The following AGBL1 variants were observed in gnomAD, a reference collection of about 807,000 sequenced individuals.
AGBL1 encodes the protein AGBL carboxypeptidase 1.
A neutral mutation model predicts 118.9 loss-of-function variants in AGBL1; 130 were observed. That is an observed-to-expected ratio of 1.09 (90% CI 0.95 to 1.26). The LOEUF is 1.26. Among genes scored for constraint, AGBL1 ranks in the 50% most tolerant of loss-of-function variants. The probability of loss-of-function intolerance (pLI) is 0.00; values close to 1 mark genes in which losing one functional copy is unlikely to be tolerated. For synonymous variants in AGBL1, 555 were observed against 478.9 expected, an observed-to-expected ratio of 1.16 and a Z score of -2.08; for missense variants, 1,584 against 1,298.1, an observed-to-expected ratio of 1.22 and a Z score of -3.38.
intron 17 of AGBL1, among the ~76,000 whole-genome samples, chr15:86,337,044 TTA>T (rs2080381721): frequency 4.6e-5 from 7 of 152,218 alleles, no homozygotes; most frequent in African/African-American, 1.7e-4. Context: ...GGGACAAGAA[TTA>T]GCATCACTCT....
At chr15:86,623,731 A>G (rs2084845789) in intron 21 of AGBL1, among the ~76,000 whole-genome samples, 1 of 152,224 alleles carries the variant, frequency 6.6e-6, no homozygotes, top group Admixed American at 6.5e-5. Context: ...TAATTTTGCA[A>G]TAATTCGAAA....
At chr15:86,342,090 C>A (rs745624800) in intron 17 of AGBL1, among the ~76,000 whole-genome samples, 1 of 152,090 alleles carries the variant, frequency 6.6e-6, no homozygotes, top group East Asian at 1.9e-4. Context: ...TGAAGATGAA[C>A]GCTTTCTCAA....
intron 22 of AGBL1, among the ~76,000 whole-genome samples, chr15:86,679,480 AT>A (rs954937988): frequency 5.9e-5 from 9 of 151,886 alleles, no homozygotes; most frequent in African/African-American, 2.2e-4. Flanking sequence ...ATTTCCAGGG[AT>A]TTTTCTGTTT....
At chr15:86,920,968 A>G (rs1431442623), downstream of AGBL1, among the ~76,000 whole-genome samples, 1 of 152,124 alleles carries the variant, frequency 6.6e-6, no homozygotes, top group Non-Finnish European at 1.5e-5. Context: ...CAATTGGAGA[A>G]AGGAGGGCAT....
intron 22 of AGBL1, among the ~76,000 whole-genome samples, chr15:86,867,870 A>G (rs989096668): frequency 6.6e-6 from 1 of 152,194 alleles, no homozygotes; most frequent in African/African-American, 2.4e-5. Flanking sequence ...TTCTAAGTTT[A>G]TCCATGGCCG....
At chr15:86,853,595 C>G (rs1335900244) in intron 22 of AGBL1, among the ~76,000 whole-genome samples, 1 of 152,208 alleles carries the variant, frequency 6.6e-6, no homozygotes, top group Non-Finnish European at 1.5e-5. Context: ...GCTCTACTTA[C>G]TACACTTGGC....
At chr15:86,490,580 A>G (rs2082765786) in intron 18 of AGBL1, among the ~76,000 whole-genome samples, 1 of 152,100 alleles carries the variant, frequency 6.6e-6, no homozygotes, top group African/African-American at 2.4e-5. Flanking sequence ...CTGCATGACA[A>G]TACCAATGTT....
chr15:86,737,146 G>T (rs888411443), intron 22 of AGBL1, among the ~76,000 whole-genome samples: 4 of 152,162 alleles, frequency 2.6e-5, no homozygotes, highest in African/African-American at 4.8e-5. Flanking sequence ...ATTGAAGCAA[G>T]GTGCTGAATG....
At chr15:86,773,294 G>C (rs2078207764) in intron 22 of AGBL1, among the ~76,000 whole-genome samples, 1 of 152,012 alleles carries the variant, frequency 6.6e-6, no homozygotes, top group African/African-American at 2.4e-5. Flanking sequence ...AGGCACTCCT[G>C]AGTGGAAGAG....
intron 22 of AGBL1, among the ~76,000 whole-genome samples, chr15:86,840,098 T>C (rs2079224291): frequency 1.3e-5 from 2 of 152,216 alleles, no homozygotes; most frequent in Non-Finnish European, 2.9e-5. Flanking sequence ...ACAGTATCTG[T>C]CAATACCCAT....
intron 18 of AGBL1, among the ~76,000 whole-genome samples, chr15:86,438,401 C>A (rs1192867384): frequency 6.6e-6 from 1 of 152,158 alleles, no homozygotes; most frequent in Non-Finnish European, 1.5e-5. Context: ...CAGGAATATA[C>A]TTTATCTCTC....
At chr15:86,970,771 C>G (rs747741302) in intron 23 of AGBL1, among the ~76,000 whole-genome samples, 8 of 151,972 alleles carry the variant, frequency 5.3e-5, no homozygotes, top group Non-Finnish European at 1.0e-4. Flanking sequence ...CTGAAACTTT[C>G]CCCTAGATAT....
chr15:86,935,920 T>C (rs1333278825), intron 23 of AGBL1, among the ~76,000 whole-genome samples: 1 of 152,202 alleles, frequency 6.6e-6, no homozygotes, highest in East Asian at 1.9e-4. Flanking sequence ...AGTTTACAAA[T>C]AAAAACAAAA....
At chr15:86,884,954 G>A (rs2079949460) in intron 22 of AGBL1, among the ~76,000 whole-genome samples, 1 of 152,092 alleles carries the variant, frequency 6.6e-6, no homozygotes, top group Non-Finnish European at 1.5e-5. Context: ...TGGTTGCTGT[G>A]TTGTTCAGTA....
At chr15:86,846,120 C>T (rs908684844) in intron 22 of AGBL1, among the ~76,000 whole-genome samples, 1 of 152,074 alleles carries the variant, frequency 6.6e-6, no homozygotes, top group South Asian at 2.1e-4. Context: ...CTTTTTGTCT[C>T]TTCATGTGGA....
At chr15:86,919,082 G>A (rs1163367805), downstream of AGBL1, among the ~76,000 whole-genome samples, 1 of 152,126 alleles carries the variant, frequency 6.6e-6, no homozygotes, top group Non-Finnish European at 1.5e-5. Flanking sequence ...GATCTATAAT[G>A]CACCACATCA....
At chr15:86,558,951 G>A (rs74489600) in intron 21 of AGBL1, among the ~76,000 whole-genome samples, 1 of 152,308 alleles carries the variant, frequency 6.6e-6, no homozygotes, top group African/African-American at 2.4e-5. Flanking sequence ...GAAGATAAAA[G>A]CCTGAAATCA....
At chr15:86,587,520 T>C (rs766902626) in intron 21 of AGBL1, among the ~76,000 whole-genome samples, 18 of 151,940 alleles carry the variant, frequency 1.2e-4, no homozygotes, top group Non-Finnish European at 2.1e-4. Flanking sequence ...TCTAATTCTA[T>C]AGGAAGCAAG....
intron 5 of AGBL1, among the ~76,000 whole-genome samples, chr15:86,163,664 G>T (rs1055063431): frequency 6.6e-6 from 1 of 151,950 alleles, no homozygotes; most frequent in Non-Finnish European, 1.5e-5. Flanking sequence ...GGAGGTAGAG[G>T]TTACAGTGAG....
Sources: allele counts gnomAD v4.1 joint callset (sites outside exome capture counted in the v4.1 genomes callset), GRCh38; gene constraint gnomAD v4.1.1; transcripts MANE v1.5; gene names NCBI Gene and HGNC (gene_info 2026-07-23, HGNC 2026-07-21).